ABTB2: variants seen among roughly 807,000 people sequenced by gnomAD.
The protein encoded by ABTB2 is ankyrin repeat and BTB/POZ domain-containing protein 2.
ABTB2 carries 56 observed loss-of-function variants against 104.1 expected under a neutral mutation model. The observed-to-expected ratio is 0.54, with a 90% CI of 0.43 to 0.67. The LOEUF (loss-of-function observed/expected upper bound fraction) is 0.67. ABTB2 is among the 30% of genes least tolerant of loss of function. ABTB2 has a pLI of 0.00. For missense variants in ABTB2, 1,279 were observed against 1,407.7 expected, an observed-to-expected ratio of 0.91 and a Z score of 1.46; for synonymous variants, 606 against 608.2, an observed-to-expected ratio of 1.00 and a Z score of 0.05.
chr11:34,240,477 G>A (rs1255649012), intron 1 of ABTB2, among the ~76,000 whole-genome samples: 1 of 152,226 alleles, frequency 6.6e-6, no homozygotes, highest in Non-Finnish European at 1.5e-5. Flanking sequence ...GTCAGCACTG[G>A]GAAAGCCAGA....
intron 9 of ABTB2, 83 bp downstream of exon 9, chr11:34,164,603 T>G: frequency 1.5e-6 from 2 of 1,369,038 alleles, no homozygotes; most frequent in South Asian, 1.8e-5. Context: ...CTAGCTCTTT[T>G]GCTCCCATCG....
chr11:34,335,067 C>T lies in ABTB2; in HGVS notation c.883+21634G>A, dbSNP rs1189260004. ...TAGTCTGACAGTGTTTATAGATCAA[C>T]CCAAATATTACATACAAATAATACA... On this transcript the variant is annotated intron_variant, in intron 1 of 16. Coordinates refer to ENST00000435224, the MANE Select transcript of ABTB2 (RefSeq NM_145804.3). 8 of 848,994 alleles carry T rather than the reference C, an allele frequency of 9.4e-6. No individual in the cohort carries two copies. The East Asian group carries it at 1.5e-4, about 16-fold the overall frequency. 52.6% of individuals were successfully genotyped at this position (848,994 alleles called of 1,614,324 possible). A position where few individuals can be genotyped will look rare whatever the true frequency, so the allele number is the denominator to read the frequency against.
intron 1 of ABTB2, among the ~76,000 whole-genome samples, chr11:34,205,281 C>T (rs1367554238): frequency 1.3e-5 from 2 of 152,216 alleles, no homozygotes; most frequent in Admixed American, 1.3e-4. Context: ...CTGCCTTCTC[C>T]ACTTCAAGAA....
At chr11:34,265,661 GAAAA>G (rs1233763258) in intron 1 of ABTB2, among the ~76,000 whole-genome samples, 9 of 25,654 alleles carry the variant, frequency 3.5e-4, no homozygotes, top group Admixed American at 1.1e-3. Flanking sequence ...TCTGTCTCAA[GAAAA>G]AAAAAAAAAA....
At chr11:34,227,471 T>G (rs1565146093) in intron 1 of ABTB2, among the ~76,000 whole-genome samples, 1 of 152,312 alleles carries the variant, frequency 6.6e-6, no homozygotes, top group East Asian at 1.9e-4. Context: ...TTATGTGGCA[T>G]AATGTTTTTA....
chr11:34,236,757 C>T (rs999572285), intron 1 of ABTB2, among the ~76,000 whole-genome samples: 1 of 152,180 alleles, frequency 6.6e-6, no homozygotes, highest in South Asian at 2.1e-4. Context: ...GGTAGATAAA[C>T]GAAATCGCAT....
At chr11:34,319,387 G>A (rs1430029728) in intron 1 of ABTB2, among the ~76,000 whole-genome samples, 1 of 152,236 alleles carries the variant, frequency 6.6e-6, no homozygotes, top group Non-Finnish European at 1.5e-5. Flanking sequence ...ACCAGCTGAT[G>A]CCTGCACTGG....
intron 1 of ABTB2, among the ~76,000 whole-genome samples, chr11:34,229,348 G>T (rs1374208507): frequency 2.0e-5 from 3 of 151,466 alleles, no homozygotes; most frequent in South Asian, 4.2e-4. Flanking sequence ...AGGTGTGGTG[G>T]CGGGCGCCTG....
At chr11:34,191,563 G>A (rs1853177211) in intron 3 of ABTB2, among the ~76,000 whole-genome samples, 1 of 152,194 alleles carries the variant, frequency 6.6e-6, no homozygotes, top group African/African-American at 2.4e-5. Context: ...GTCTGGGGGT[G>A]CAGAACTACA....
intron 3 of ABTB2, among the ~76,000 whole-genome samples, chr11:34,192,638 A>G (rs191723203): frequency 6.9e-4 from 105 of 152,342 alleles, no homozygotes; most frequent in Non-Finnish European, 1.5e-4. Flanking sequence ...AGAACGAGGC[A>G]AGAGGCCAGG....
At chr11:34,274,190 A>ATC (rs1854355898) in intron 1 of ABTB2, among the ~76,000 whole-genome samples, 1 of 145,070 alleles carries the variant, frequency 6.9e-6, no homozygotes, top group African/African-American at 2.5e-5. Context: ...AAAAAAAAAG[A>ATC]TATTTAACTA....
chr11:34,178,903 C>T (rs1852989254), intron 3 of ABTB2, among the ~76,000 whole-genome samples: 1 of 151,960 alleles, frequency 6.6e-6, no homozygotes, highest in Non-Finnish European at 1.5e-5. Flanking sequence ...TGGCAAAACC[C>T]CATCTCTACT....
intron 1 of ABTB2, among the ~76,000 whole-genome samples, chr11:34,254,670 C>CT (rs57784717): frequency 0.14 from 17,357 of 127,630 alleles, 1,531 homozygotes; most frequent in African/African-American, 0.2. Context: ...ATATTAGAAA[C>CT]TTTTTTTTTT....
chr11:34,314,572 G>A (rs548561525), intron 1 of ABTB2, among the ~76,000 whole-genome samples: 152 of 152,320 alleles, frequency 1.0e-3, no homozygotes, highest in Admixed American at 2.1e-3. Flanking sequence ...CAGCTGCAAG[G>A]GAGAGGTGCT....
At chr11:34,241,055 C>T (rs1708929184) in intron 1 of ABTB2, among the ~76,000 whole-genome samples, 1 of 152,088 alleles carries the variant, frequency 6.6e-6, no homozygotes, top group South Asian at 2.1e-4. Context: ...GTCAAGCTGT[C>T]CTTTTTCTGT....
At chr11:34,176,265 G>A (rs1377399489) in intron 3 of ABTB2, among the ~76,000 whole-genome samples, 3 of 121,518 alleles carry the variant, frequency 2.5e-5, no homozygotes, top group Non-Finnish European at 3.3e-5. Flanking sequence ...GGGTGACAGA[G>A]TGAGACTCCG....
chr11:34,184,066 GTT>G (rs34633087), intron 3 of ABTB2, among the ~76,000 whole-genome samples: 19 of 143,606 alleles, frequency 1.3e-4, no homozygotes, highest in African/African-American at 3.1e-4. Flanking sequence ...TTTAAAAAGT[GTT>G]TTTTTTTTTT....
At chr11:34,166,554 C>T (rs1292114870) in intron 7 of ABTB2, among the ~76,000 whole-genome samples, 2 of 152,258 alleles carry the variant, frequency 1.3e-5, no homozygotes, top group Non-Finnish European at 2.9e-5. Flanking sequence ...GACACAATCC[C>T]TGCCCTCAGA....
At chr11:34,316,894 A>G (rs529340248) in intron 1 of ABTB2, among the ~76,000 whole-genome samples, 2 of 152,328 alleles carry the variant, frequency 1.3e-5, no homozygotes, top group South Asian at 2.1e-4. Flanking sequence ...TACCCTGGAC[A>G]CACTAATGAC....
Sources: gnomAD v4.1 joint callset for allele counts (sites outside exome capture counted in the v4.1 genomes callset) on GRCh38, gnomAD v4.1.1 for gene constraint, MANE v1.5 for transcripts, NCBI Gene and HGNC (gene_info 2026-07-23, HGNC 2026-07-21) for gene names.